USP31: variants seen among roughly 807,000 people sequenced by gnomAD.
USP31 encodes ubiquitin carboxyl-terminal hydrolase 31.
USP31 carries 44 observed loss-of-function variants against 119.4 expected under a neutral mutation model. The observed-to-expected ratio is 0.37, with a 90% CI of 0.29 to 0.47. USP31 has a LOEUF of 0.47. Among genes scored for constraint, USP31 ranks in the 20% least tolerant of loss-of-function variants. USP31 has a pLI of 0.99. For missense variants in USP31, 1,643 were observed against 1,730.2 expected (o/e 0.95, Z 0.89); for synonymous variants, 749 against 705.6 (o/e 1.06, Z -0.97).
intron 1 of USP31, among the ~76,000 whole-genome samples, chr16:23,135,151 A>C (rs1332282540): frequency 4.0e-5 from 6 of 151,806 alleles, no homozygotes; most frequent in African/African-American, 1.2e-4. Flanking sequence ...AAAAAAAAAA[A>C]AAAACACTCA....
At chr16:23,101,742 T>C (rs1596711178) in intron 6 of USP31, among the ~76,000 whole-genome samples, 1 of 152,092 alleles carries the variant, frequency 6.6e-6, no homozygotes. Context: ...TCTGAGTTGC[T>C]TGGTAACTCT....
chr16:23,113,428 T>C (rs1398000638), intron 1 of USP31, among the ~76,000 whole-genome samples: 1 of 152,052 alleles, frequency 6.6e-6, no homozygotes, highest in Non-Finnish European at 1.5e-5. Flanking sequence ...AAGCTGCCCG[T>C]GAAGAAGCAA....
chr16:23,127,946 T>C (rs1321814786), intron 1 of USP31, among the ~76,000 whole-genome samples: 2 of 152,114 alleles, frequency 1.3e-5, no homozygotes, highest in Non-Finnish European at 2.9e-5. Context: ...ACTAACATTG[T>C]TGGTGGCAGT....
intron 6 of USP31, 129 bp from the exon 7 acceptor site, chr16:23,090,933 A>T: frequency 1.3e-6 from 1 of 794,482 alleles, no homozygotes; most frequent in East Asian, 2.7e-5. Flanking sequence ...CTGCAATCAA[A>T]AAAAGAAACA....
In USP31 at chr16:23,090,681, C is replaced by T. The variant is rs1167095377; in HGVS notation, c.1358G>A (p.Ser453Asn). ...ACACACCAACAGGACAATCTTGTCG[C>T]TGCCTGCTCTTGATGTGGGAGAATC... ...KMDSPTSRAG[S>N]DKIVLLVCNR... Residue 453 changes from serine (S) to asparagine (N), a missense_variant, in exon 7 of 16, where the codon AGC (serine) becomes AAC (asparagine). Ser to Asn is a conservative substitution (Grantham distance 46). Transcript: ENST00000219689. The T allele has an allele frequency of 1.2e-6, 2 of 1,613,982 alleles. No homozygotes were observed. Among genetic ancestry groups the T allele is most frequent in the Admixed American group, 1.7e-5 (1 of 60,000 alleles).
Position 23,064,295 on chromosome 16 carries a change from T to C in USP31, c.*3751A>G, listed in dbSNP as rs1254365296. 1.3e-5 allele frequency: 2 copies of C among 152,452 alleles called. No individual in the cohort carries two copies. Among genetic ancestry groups the C allele is most frequent in the African/African-American group, 4.8e-5 (2 of 41,464 alleles). 9.4% of individuals were successfully genotyped at this position (152,452 alleles called of 1,614,324 possible). A position where few individuals can be genotyped will look rare whatever the true frequency, so the allele number is the denominator to read the frequency against. On this transcript the variant is annotated 3_prime_UTR_variant, in exon 16 of 16. Transcript: ENST00000219689. ...AAATGTAACGTCTGATGCCCCTCTATGTGAAATAAAGCACGCTTATTTCAA... is the reference window on the plus strand; with the variant it reads ...AAATGTAACGTCTGATGCCCCTCTACGTGAAATAAAGCACGCTTATTTCAA...
chr16:23,091,209 T>A (rs1452066630), intron 6 of USP31, among the ~76,000 whole-genome samples: 1 of 152,200 alleles, frequency 6.6e-6, no homozygotes, highest in East Asian at 1.9e-4. Context: ...TCTCCCTGAT[T>A]AAAGAGCCAG....
chr16:23,079,999 T>C lies in USP31; in HGVS notation c.2123A>G (p.Asp708Gly), dbSNP rs773197090. 1 of 1,613,910 alleles carries C rather than the reference T, an allele frequency of 6.2e-7. No individual in the cohort carries two copies. The highest frequency in any genetic ancestry group is 1.7e-5 in the Admixed American group (1 of 59,986). ...ATGGTGATTGCACACAGCATACAGG[T>C]CATAGATGTAGTCCTCAGGGTCCCT... is the stretch of plus-strand genomic sequence containing the variant. ...LGRDPEDYIY[D>G]LYAVCNHHGT... Residue 708 changes from aspartate to glycine, a missense_variant, in exon 13 of 16, where the codon GAC becomes GGC. Physicochemically the swap from Asp to Gly is moderately conservative, Grantham distance 94 (BLOSUM62 -1). This residue lies in a region of USP31 where 279 missense variants were observed against 372.2 expected (regional missense o/e 0.75). Transcript: ENST00000219689.
chr16:23,139,706 C>G (rs1342687598), intron 1 of USP31, among the ~76,000 whole-genome samples: 2 of 152,250 alleles, frequency 1.3e-5, no homozygotes, highest in Middle Eastern at 3.4e-3. Flanking sequence ...CTAAATTGCA[C>G]CTGATTTCCA....
chr16:23,085,477 AAAGAG>A (rs1567230245), intron 10 of USP31, 103 bp downstream of exon 10: 1 of 1,025,096 alleles, frequency 9.8e-7, no homozygotes, highest in Non-Finnish European at 1.5e-6. Flanking sequence ...ATACTTAGCT[AAAGAG>A]AAGAGAGATT....
chr16:23,112,547 C>G (rs888357507), intron 1 of USP31, among the ~76,000 whole-genome samples: 4 of 151,780 alleles, frequency 2.6e-5, no homozygotes, highest in Non-Finnish European at 1.5e-5. Flanking sequence ...TGCACTCCAG[C>G]TTGGACGAGA....
At chr16:23,126,496 G>A (rs756194549) in intron 1 of USP31, among the ~76,000 whole-genome samples, 8 of 150,624 alleles carry the variant, frequency 5.3e-5, no homozygotes, top group Non-Finnish European at 1.2e-4. Flanking sequence ...GCATGGTGGC[G>A]GGCGCCTATA....
At chr16:23,134,674 T>TAAAAAAAA (rs371982166) in intron 1 of USP31, among the ~76,000 whole-genome samples, 21 of 86,728 alleles carry the variant, frequency 2.4e-4, no homozygotes, top group African/African-American at 4.4e-4. Context: ...GAAACAAAGC[T>TAAAAAAAA]AAAAAAAAAA....
At position 23,082,546 on chromosome 16, in the gene USP31, A is replaced by G. The variant is rs372126950; in HGVS notation, c.1842T>C (p.Asp614=). 3.1e-6 allele frequency: 5 copies of G among 1,614,070 alleles called. No individual in the cohort carries two copies. In the African/African-American group the frequency reaches 5.3e-5, roughly 17 times the overall value. The part of the protein sequence containing the change: ...LYTKEERLAP[D]DAWRCPHCKQ... ...TACAGTGTGGGCAACGCCAGGCATC[A>G]TCGGGGGCAAGCTGAAAACAGAAGC... Residue 614 remains aspartate (D), a synonymous_variant, in exon 12 of 16, where the codon GAT becomes GAC. Coordinates refer to ENST00000219689, the MANE Select transcript of USP31 (RefSeq NM_020718.4).
chr16:23,092,255 T>C (rs1308666531), intron 6 of USP31, among the ~76,000 whole-genome samples: 1 of 152,236 alleles, frequency 6.6e-6, no homozygotes, highest in Admixed American at 6.5e-5. Flanking sequence ...CAATAACCTT[T>C]GGATTCACCA....
chr16:23,134,280 G>A (rs187265417), intron 1 of USP31, among the ~76,000 whole-genome samples: 108 of 152,182 alleles, frequency 7.1e-4, no homozygotes, highest in Non-Finnish European at 1.2e-3. Flanking sequence ...GAAATAAACC[G>A]TAACTCTAAA....
chr16:23,125,934 A>C (rs1042628891), intron 1 of USP31, among the ~76,000 whole-genome samples: 6 of 152,172 alleles, frequency 3.9e-5, no homozygotes, highest in African/African-American at 1.4e-4. Context: ...TGCTCAAAGT[A>C]AAGTAAATAG....
intron 6 of USP31, among the ~76,000 whole-genome samples, chr16:23,097,007 GAGAT>G (rs926995179): frequency 6.6e-6 from 1 of 151,986 alleles, no homozygotes. Context: ...AGAACTGAAA[GAGAT>G]AGAGACACAA....
At chr16:23,090,074 T>C (rs901463366) in intron 7 of USP31, among the ~76,000 whole-genome samples, 3 of 152,132 alleles carry the variant, frequency 2.0e-5, no homozygotes, top group Non-Finnish European at 4.4e-5. Context: ...AATACACATA[T>C]GAAATGGGAC....
Sources: gnomAD v4.1 joint callset for allele counts (sites outside exome capture counted in the v4.1 genomes callset) on GRCh38, gnomAD v4.1.1 for gene constraint, gnomAD v4.1.1 regional missense constraint, MANE v1.5 for transcripts, NCBI Gene and HGNC (gene_info 2026-07-23, HGNC 2026-07-21) for gene names.